Variants in CCDC77 observed in about 807,000 individuals in gnomAD.
The protein encoded by CCDC77 is coiled-coil domain-containing protein 77.
A neutral mutation model predicts 66.8 loss-of-function variants in CCDC77; 56 were observed. That is an observed-to-expected ratio of 0.84 (90% CI 0.68 to 1.05). The LOEUF is 1.05. Among genes scored for constraint, CCDC77 ranks in the 50% least tolerant of loss-of-function variants. The pLI is 0.00. For missense variants in CCDC77, 570 were observed against 576.8 expected (o/e 0.99, Z 0.12); for synonymous variants, 196 against 195.2 (o/e 1.00, Z -0.03).
intron 5 of CCDC77, among the ~76,000 whole-genome samples, chr12:422,788 A>G (rs1443513828): frequency 2.0e-5 from 3 of 151,898 alleles, no homozygotes; most frequent in African/African-American, 7.3e-5. Context: ...TTTTTTTTGT[A>G]ATTTCTGTAG....
chr12:415,507 AAT>A (rs1291684046), intron 4 of CCDC77, among the ~76,000 whole-genome samples: 1 of 147,432 alleles, frequency 6.8e-6, no homozygotes, highest in African/African-American at 2.5e-5. Flanking sequence ...TTATTAACAT[AAT>A]ATGTTAATAT....
chr12:418,372 C>T, intron 4 of CCDC77, 122 bp from the exon 5 acceptor site: 1 of 942,432 alleles, frequency 1.1e-6, no homozygotes, highest in Non-Finnish European at 1.6e-6. Context: ...CATTTGAATT[C>T]TGTATTGGCA....
Position 438,474 on chromosome 12 carries a change from TG to T in CCDC77, c.962del (p.Cys321LeufsTer29). ...MSKIKQYRVQ[C>X]KKKEDKIGKV... ...AAAGATTAAGCAATATAGGGTGCAG[TG>T]TAAGAAGAAAGAAGATAAAATTGGA... On this transcript the variant is annotated frameshift_variant, in exon 10 of 13. Transcript: ENST00000239830. LOFTEE classifies it high-confidence loss of function. 6.2e-7 allele frequency: 1 copy of T among 1,613,946 alleles called. No homozygotes were observed. The highest frequency in any genetic ancestry group is 1.3e-5 in the African/African-American group (1 of 75,016).
chr12:415,292 A>T (rs1565567751), intron 4 of CCDC77, among the ~76,000 whole-genome samples: 1 of 127,784 alleles, frequency 7.8e-6, no homozygotes, highest in Non-Finnish European at 1.6e-5. Flanking sequence ...TATTATGTTA[A>T]TATAATCAAC....
chr12:433,202 A>G lies in CCDC77; in HGVS notation c.701A>G (p.Glu234Gly), dbSNP rs1235157944. Reference protein sequence around the residue: ...QVEALQAQLGEQTKLSREQIE... With the variant: ...QVEALQAQLGGQTKLSREQIE... ...GAAGCACTGCAGGCTCAGCTGGGAG[A>G]GCAGACCAAACTTTCTCGAGAACAA... Residue 234 changes from glutamate (E) to glycine (G), a missense_variant, in exon 9 of 13, where the codon GAG becomes GGG. Physicochemically the swap from Glu to Gly is moderately conservative, Grantham distance 98 (BLOSUM62 -2). Coordinates refer to ENST00000239830, the MANE Select transcript of CCDC77 (RefSeq NM_032358.4). 6.2e-7 allele frequency: 1 copy of G among 1,613,854 alleles called. No homozygotes were observed.
At chr12:428,510 C>CAAAAAAAAAAAAAAAAAAA (rs59414510) in intron 5 of CCDC77, among the ~76,000 whole-genome samples, 2 of 57,854 alleles carry the variant, frequency 3.5e-5, no homozygotes, top group African/African-American at 1.5e-4. Flanking sequence ...GACTCTGTCT[C>CAAAAAAAAAAAAAAAAAAA]AAAAAAAAAA....
At chr12:411,242 C>T (rs188094252) in intron 3 of CCDC77, among the ~76,000 whole-genome samples, 97 of 151,684 alleles carry the variant, frequency 6.4e-4, no homozygotes, top group African/African-American at 2.2e-3. Context: ...GGCATGATCT[C>T]GACTCACTGC....
chr12:440,659 A>T lies in CCDC77; in HGVS notation c.1084A>T (p.Met362Leu), dbSNP rs776170158. The part of the protein sequence containing the change: ...KLVQEKKLSN[M>L]YQEQCISLEE... ...AGTACAAGAGAAAAAGCTGTCCAAT[A>T]TGTACCAAGAGCAGTGCATTTCCTT... The change falls in exon 11 of 13, where the codon ATG (methionine) becomes TTG (leucine). Residue 362 changes from methionine (M) to leucine (L), a missense_variant. Coordinates refer to ENST00000239830, the MANE Select transcript of CCDC77 (RefSeq NM_032358.4). 3 of 1,614,220 alleles carry T rather than the reference A, an allele frequency of 1.9e-6. No individual in the cohort carries two copies. Among genetic ancestry groups the T allele is most frequent in the Non-Finnish European group, 2.5e-6 (3 of 1,180,034 alleles).
intron 5 of CCDC77, among the ~76,000 whole-genome samples, chr12:420,017 A>T (rs58345465): frequency 0.045 from 7 of 154 alleles, no homozygotes; most frequent in Admixed American, 0.1. Flanking sequence ...ATTACAGTGC[A>T]CTTCTGTGTG....
chr12:423,655 C>T lies in CCDC77; in HGVS notation c.413+5019C>T, dbSNP rs138655041. On this transcript the variant is annotated intron_variant, in intron 5 of 12. Transcript: ENST00000239830. ...GGGACCATGGGTGCGCACCACTGTG[C>T]TTGGCTAATTTTTGTATCTTTTGAA... is the stretch of plus-strand genomic sequence containing the variant. 3.5e-3 allele frequency among the ~76,000 whole-genome samples: 536 copies of T among 151,530 alleles called. 5 individuals are homozygous for T. The highest frequency in any genetic ancestry group is 0.012 in the African/African-American group (501 of 41,258).
At chr12:399,646 C>CT (rs1944871287), upstream of CCDC77, among the ~76,000 whole-genome samples, 2 of 152,156 alleles carry the variant, frequency 1.3e-5, no homozygotes, top group African/African-American at 4.8e-5. Context: ...GAAAGAAATC[C>CT]TTTTTTTCCT....
In CCDC77 at chr12:430,705, T is replaced by G. The variant is rs779932399; in HGVS notation, c.552T>G (p.Cys184Trp). 5 of 1,613,824 alleles carry G rather than the reference T, an allele frequency of 3.1e-6. No homozygotes were observed. The Admixed American group carries it at 5.0e-5, about 16-fold the overall frequency. The change falls in exon 7 of 13, where the codon TGT (cysteine) becomes TGG (tryptophan). Residue 184 changes from cysteine to tryptophan, a missense_variant. By Grantham distance (215) the Cys-to-Trp change is radical. Coordinates refer to ENST00000239830, the MANE Select transcript of CCDC77 (RefSeq NM_032358.4). ...AGACTATCCAGGCTGTAGGTGAATG[T>G]GAGCAGAGTGAATCTTCAGCTTTCA... The part of the protein sequence containing the change: ...LQKTIQAVGE[C>W]EQSESSAFKA...
intron 9 of CCDC77, among the ~76,000 whole-genome samples, chr12:434,774 G>C (rs1945717405): frequency 6.6e-6 from 1 of 152,134 alleles, no homozygotes. Flanking sequence ...CTTGATTTCT[G>C]CAGCACCTGT....
chr12:424,999 C>T (rs1332144246), intron 5 of CCDC77, among the ~76,000 whole-genome samples: 3 of 150,400 alleles, frequency 2.0e-5, no homozygotes, highest in South Asian at 2.1e-4. Flanking sequence ...GGCACGATCT[C>T]GGCTCACTGC....
At chr12:428,510 CAAAAAAAAA>C (rs59414510) in intron 5 of CCDC77, among the ~76,000 whole-genome samples, 1 of 57,854 alleles carries the variant, frequency 1.7e-5, no homozygotes, top group Non-Finnish European at 3.0e-5. Flanking sequence ...GACTCTGTCT[CAAAAAAAAA>C]AAAAAAAAAA....
Position 416,337 on chromosome 12 carries a change from GTGTGGGGGTGTGT to G in CCDC77, c.271-2156_271-2144del, listed in dbSNP as rs1565568926. Among the ~76,000 whole-genome samples the G allele has an allele frequency of 2.3e-3, 103 of 45,074 alleles. 2 individuals are homozygous for G. The highest frequency in any genetic ancestry group is 8.1e-3 in the East Asian group (6 of 742). 29.6% of individuals were successfully genotyped at this position (45,074 alleles called of 152,430 possible). A position where few individuals can be genotyped will look rare whatever the true frequency, so the allele number is the denominator to read the frequency against. On this transcript the variant is annotated intron_variant, in intron 4 of 12. Coordinates refer to ENST00000239830, the MANE Select transcript of CCDC77 (RefSeq NM_032358.4). ...TGTGTGTGTGTGTGAGTCTGTGGGT[GTGTGGGGGTGTGT>G]GTGTGTGTGTGTGTGTGTGTGTGTG...
At chr12:403,348 T>G (rs1401610128) in intron 1 of CCDC77, among the ~76,000 whole-genome samples, 1 of 152,206 alleles carries the variant, frequency 6.6e-6, no homozygotes, top group East Asian at 1.9e-4. Context: ...CGGCCTTATA[T>G]CCGTACACCA....
chr12:408,543 G>A (rs1030208924), intron 2 of CCDC77, among the ~76,000 whole-genome samples: 3 of 152,096 alleles, frequency 2.0e-5, no homozygotes, highest in Non-Finnish European at 2.9e-5. Context: ...TTTGGAGAGG[G>A]GAGTGGGGGC....
intron 1 of CCDC77, among the ~76,000 whole-genome samples, chr12:391,111 G>C (rs934213603): frequency 6.6e-6 from 1 of 152,200 alleles, no homozygotes; most frequent in East Asian, 1.9e-4. Flanking sequence ...TTACAAAGGG[G>C]TGTAGACACA....
Sources: allele counts gnomAD v4.1 joint callset (sites outside exome capture counted in the v4.1 genomes callset), GRCh38; gene constraint gnomAD v4.1.1; transcripts MANE v1.5; gene names NCBI Gene and HGNC (gene_info 2026-07-23, HGNC 2026-07-21).